Variants in ADAM17 observed in about 807,000 individuals in gnomAD.
The protein encoded by ADAM17 is ADAM metallopeptidase domain 17.
A neutral mutation model predicts 96.7 loss-of-function variants in ADAM17; 39 were observed. The observed-to-expected ratio is 0.40, with a 90% confidence interval of 0.31 to 0.53. ADAM17 has a LOEUF of 0.53. Among genes scored for constraint, ADAM17 ranks in the 20% least tolerant of loss-of-function variants. The pLI is 0.44. For synonymous variants in ADAM17, 344 were observed against 359.2 expected (o/e 0.96, Z 0.48); for missense variants, 777 against 1,013.2 (o/e 0.77, Z 3.17).
intron 1 of ADAM17, among the ~76,000 whole-genome samples, chr2:9,554,483 T>C (rs1665680690): frequency 6.6e-6 from 1 of 152,150 alleles, no homozygotes; most frequent in Non-Finnish European, 1.5e-5. Context: ...ACACCTTTAG[T>C]ATCCATACCA....
intron 14 of ADAM17, 39 bp downstream of exon 14, chr2:9,497,075 G>A: frequency 1.2e-6 from 2 of 1,603,990 alleles, no homozygotes; most frequent in Non-Finnish European, 1.7e-6. Context: ...CAAAGGCCAT[G>A]TTTTCTCCTG....
At chr2:9,514,483 T>C (rs2125013837) in intron 10 of ADAM17, among the ~76,000 whole-genome samples, 1 of 138,284 alleles carries the variant, frequency 7.2e-6, no homozygotes, top group African/African-American at 2.6e-5. Context: ...CTGCACGTTG[T>C]GCACATGTAT....
intron 4 of ADAM17, among the ~76,000 whole-genome samples, chr2:9,529,345 GGAGGCT>G (rs1664649281): frequency 4.6e-5 from 7 of 151,972 alleles, no homozygotes. Context: ...CAGCTACCTG[GGAGGCT>G]GAGGCAAGAG....
chr2:9,555,356 C>A (rs1451038660), intron 1 of ADAM17, among the ~76,000 whole-genome samples, 153 bp downstream of exon 1: 4 of 152,174 alleles, frequency 2.6e-5, no homozygotes, highest in African/African-American at 7.2e-5. Context: ...CCCCAAACTC[C>A]GAGAGCCACA....
intron 18 of ADAM17, 100 bp from the exon 19 acceptor site, chr2:9,490,618 G>A: frequency 4.0e-6 from 5 of 1,239,030 alleles, no homozygotes; most frequent in Non-Finnish European, 5.5e-6. Context: ...TATTCTGTTG[G>A]CACTGTGATG....
In ADAM17 at chr2:9,490,106, C is replaced by T. The variant is rs1661992698; in HGVS notation, c.*71G>A. The T allele has an allele frequency of 7.5e-7, 1 of 1,336,442 alleles. No individual in the cohort carries two copies. Among genetic ancestry groups the T allele is most frequent in the Non-Finnish European group, 1.0e-6 (1 of 989,024 alleles). The allele number at this position is 1,336,442 out of a possible 1,614,324, so 82.8% of individuals were successfully genotyped here. A position where few individuals can be genotyped will look rare whatever the true frequency, so the allele number is the denominator to read the frequency against. ...CTTCCCAGTCTTCACAAAATACAAG[C>T]TGTGATTGATTTGTAGGTCAAATCT... On this transcript the variant is annotated 3_prime_UTR_variant, in exon 19 of 19. Coordinates refer to ENST00000310823, the MANE Select transcript of ADAM17 (RefSeq NM_003183.6).
chr2:9,489,259 A>ATTTTTTTTTTTTTTTTTTTTTTTT lies in ADAM17; in HGVS notation c.*894_*917dup, dbSNP rs34525911. On this transcript the variant is annotated 3_prime_UTR_variant, in exon 19 of 19. Coordinates refer to ENST00000310823, the MANE Select transcript of ADAM17 (RefSeq NM_003183.6). ...AATATTCTAGGTTTGTAGATAGTGA[A>ATTTTTTTTTTTTTTTTTTTTTTTT]TTTTTTTTTTTTTTTTTTTTTTTTG... The ATTTTTTTTTTTTTTTTTTTTTTTT allele has an allele frequency of 2.3e-4, 20 of 87,396 alleles. 2 individuals carry two copies. Among genetic ancestry groups the ATTTTTTTTTTTTTTTTTTTTTTTT allele is most frequent in the African/African-American group, 1.2e-3 (19 of 15,528 alleles). The allele number at this position is 87,396 out of a possible 1,614,324, so 5.4% of individuals were successfully genotyped here.
chr2:9,493,281 TAAG>T (rs1364253628), intron 16 of ADAM17, among the ~76,000 whole-genome samples: 1 of 152,222 alleles, frequency 6.6e-6, no homozygotes, highest in South Asian at 2.1e-4. Context: ...AGTAAATGCT[TAAG>T]AAGACAAAGT....
At position 9,490,032 on chromosome 2, in the gene ADAM17, C is replaced by CTGTT. The variant is rs1408082590; in HGVS notation, c.*141_*144dup. ...GGAGAAGGGCCAAACCACACAAGAACTGTTTACCTGCAGGAAGTTCAAACA... is the reference window on the plus strand; with the variant it reads ...GGAGAAGGGCCAAACCACACAAGAACTGTTTGTTTACCTGCAGGAAGTTCAAACA... On this transcript the variant is annotated 3_prime_UTR_variant, in exon 19 of 19. Coordinates refer to ENST00000310823, the MANE Select transcript of ADAM17 (RefSeq NM_003183.6). The CTGTT allele has an allele frequency of 1.4e-6, 1 of 736,786 alleles. No individual in the cohort carries two copies. Among genetic ancestry groups the CTGTT allele is most frequent in the Non-Finnish European group, 2.1e-6 (1 of 467,192 alleles). The allele number at this position is 736,786 out of a possible 1,614,324, so 45.6% of individuals were successfully genotyped here.
intron 4 of ADAM17, among the ~76,000 whole-genome samples, chr2:9,531,573 G>A: frequency 6.6e-6 from 1 of 152,000 alleles, no homozygotes; most frequent in East Asian, 1.9e-4. Context: ...ACAGTGGCGT[G>A]TGCCTGTAAT....
In ADAM17 at chr2:9,509,633, T is replaced by A. The variant is rs551040416; in HGVS notation, c.1344+346A>T. On this transcript the variant is annotated intron_variant, in intron 11 of 18. Coordinates refer to ENST00000310823, the MANE Select transcript of ADAM17 (RefSeq NM_003183.6). ...GTACATGTAAATTGTAGAGTTAAAA[T>A]GAATGACAACTTGTAAATGAAATGA... Among the ~76,000 whole-genome samples the A allele has an allele frequency of 2.6e-5, 4 of 152,254 alleles. No homozygotes were observed. In the South Asian group the frequency reaches 6.2e-4, roughly 24 times the overall value.
intron 10 of ADAM17, among the ~76,000 whole-genome samples, chr2:9,515,271 A>C (rs1179381428): frequency 5.3e-5 from 8 of 152,164 alleles, no homozygotes; most frequent in African/African-American, 1.4e-4. Context: ...GTAGCCTTTC[A>C]GACTGGCTTA....
chr2:9,549,398 G>A (rs777752804), intron 1 of ADAM17, among the ~76,000 whole-genome samples: 2 of 152,012 alleles, frequency 1.3e-5, no homozygotes, highest in Non-Finnish European at 2.9e-5. Context: ...CAAAAATTAT[G>A]TATATAATTT....
intron 10 of ADAM17, among the ~76,000 whole-genome samples, chr2:9,513,768 G>A (rs1304542245): frequency 6.6e-6 from 1 of 152,076 alleles, no homozygotes; most frequent in Non-Finnish European, 1.5e-5. Context: ...GCTCACGCCT[G>A]TAATCCAGCA....
At chr2:9,490,759 AACTT>A (rs1351975013) in intron 18 of ADAM17, among the ~76,000 whole-genome samples, 2 of 152,260 alleles carry the variant, frequency 1.3e-5, no homozygotes, top group African/African-American at 2.4e-5. Flanking sequence ...GCATCCTGAA[AACTT>A]ACTTACCATT....
chr2:9,508,734 C>T (rs1483805913), intron 11 of ADAM17, among the ~76,000 whole-genome samples: 1 of 152,140 alleles, frequency 6.6e-6, no homozygotes, highest in Non-Finnish European at 1.5e-5. Context: ...AAAACATCCC[C>T]CGCCCCGCAG....
At chr2:9,497,319 G>A (rs1049573999) in intron 13 of ADAM17, 71 bp from the exon 14 acceptor site, 52 of 1,577,064 alleles carry the variant, frequency 3.3e-5, no homozygotes, top group Non-Finnish European at 4.1e-5. Flanking sequence ...TGCATAATAC[G>A]CTGTTTCTCA....
Position 9,528,023 on chromosome 2 carries a change from C to T in ADAM17, c.451-69G>A, listed in dbSNP as rs551828576. On this transcript the variant is annotated intron_variant, in intron 4 of 18. Coordinates refer to ENST00000310823, the MANE Select transcript of ADAM17 (RefSeq NM_003183.6). ...ATTCCTAAACACTAAATTCTTCTAA[C>T]ATTCTTTGCTTGTTCTTAGATAACA... 8.3e-6 allele frequency: 9 copies of T among 1,084,080 alleles called. No individual in the cohort carries two copies. In the South Asian group the frequency reaches 2.3e-4, roughly 27 times the overall value. 67.2% of individuals were successfully genotyped at this position (1,084,080 alleles called of 1,614,324 possible). A position where few individuals can be genotyped will look rare whatever the true frequency, so the allele number is the denominator to read the frequency against.
At chr2:9,517,114 G>A (rs1664095349) in intron 10 of ADAM17, among the ~76,000 whole-genome samples, 1 of 152,160 alleles carries the variant, frequency 6.6e-6, no homozygotes, top group African/African-American at 2.4e-5. Context: ...TTGTTCTTGA[G>A]CCACTGAGGG....
Sources: gnomAD v4.1 joint callset for allele counts (sites outside exome capture counted in the v4.1 genomes callset) on GRCh38, gnomAD v4.1.1 for gene constraint, MANE v1.5 for transcripts, NCBI Gene and HGNC (gene_info 2026-07-23, HGNC 2026-07-21) for gene names.